GAP43: variants seen among roughly 807,000 people sequenced by gnomAD.
The protein encoded by GAP43 is neuromodulin.
GAP43 carries 6 observed loss-of-function variants against 18.6 expected under a neutral mutation model. That is an observed-to-expected ratio of 0.32 (90% CI 0.18 to 0.64). GAP43 has a LOEUF of 0.64. Among genes scored for constraint, GAP43 ranks in the 30% least tolerant of loss-of-function variants. GAP43 has a pLI of 0.78. For missense variants in GAP43, 292 were observed against 295.5 expected, an observed-to-expected ratio of 0.99 and a Z score of 0.09; for synonymous variants, 115 against 111.4, an observed-to-expected ratio of 1.03 and a Z score of -0.20.
intron 1 of GAP43, among the ~76,000 whole-genome samples, chr3:115,646,056 C>T (rs1708454452): frequency 6.6e-6 from 1 of 152,066 alleles, no homozygotes; most frequent in Admixed American, 6.6e-5. Flanking sequence ...ACTCCTATAA[C>T]TAAACCATAT....
chr3:115,643,602 G>A (rs1171478365), intron 1 of GAP43, among the ~76,000 whole-genome samples: 1 of 151,984 alleles, frequency 6.6e-6, no homozygotes, highest in Non-Finnish European at 1.5e-5. Flanking sequence ...ATATTCACGA[G>A]TAGCTTCCTT....
intron 2 of GAP43, among the ~76,000 whole-genome samples, chr3:115,693,149 T>C (rs1273981429): frequency 2.6e-5 from 4 of 152,294 alleles, no homozygotes; most frequent in African/African-American, 9.6e-5. Context: ...CTTTTCAACA[T>C]AGAGATGGAG....
In GAP43 at chr3:115,720,939, C is replaced by G. The variant is rs1709570389; in HGVS notation, c.*57C>G. 1 of 1,200,956 alleles carries G rather than the reference C, an allele frequency of 8.3e-7. No homozygotes were observed. The highest frequency in any genetic ancestry group is 1.2e-6 in the Non-Finnish European group (1 of 816,540). 74.4% of individuals were successfully genotyped at this position (1,200,956 alleles called of 1,614,324 possible). The stretch of plus-strand genomic sequence containing the variant: ...CTCCCCTCTCCTGAGCCTGTCTCTC[C>G]CTACCCTCTTCTCAGCTCCACTCTG... On this transcript the variant is annotated 3_prime_UTR_variant, in exon 3 of 3. Transcript: ENST00000305124.
chr3:115,673,833 C>T (rs116275485), intron 1 of GAP43, among the ~76,000 whole-genome samples: 196 of 152,294 alleles, frequency 1.3e-3, no homozygotes, highest in African/African-American at 4.6e-3. Flanking sequence ...TCATTTACTC[C>T]TTTAATCTTT....
chr3:115,666,912 T>C (rs1443194578), intron 1 of GAP43, among the ~76,000 whole-genome samples: 1 of 152,100 alleles, frequency 6.6e-6, no homozygotes, highest in Non-Finnish European at 1.5e-5. Flanking sequence ...ATGATGAGGA[T>C]TGAATTGAAA....
At chr3:115,641,135 G>A (rs1223335567) in intron 1 of GAP43, among the ~76,000 whole-genome samples, 1 of 150,074 alleles carries the variant, frequency 6.7e-6, no homozygotes, top group African/African-American at 2.5e-5. Flanking sequence ...AAAGTGCTGG[G>A]ATTACAGGTG....
At chr3:115,699,955 AG>A (rs1709276788) in intron 2 of GAP43, among the ~76,000 whole-genome samples, 1 of 152,142 alleles carries the variant, frequency 6.6e-6, no homozygotes, top group South Asian at 2.1e-4. Context: ...ACATGCCTGT[AG>A]TATTACTAGA....
chr3:115,696,061 C>G (rs931144765), intron 2 of GAP43, among the ~76,000 whole-genome samples: 1 of 152,034 alleles, frequency 6.6e-6, no homozygotes, highest in Non-Finnish European at 1.5e-5. Flanking sequence ...CATTCTCTCT[C>G]TCTCTCTTTT....
chr3:115,698,588 A>C (rs1709255030), intron 2 of GAP43, among the ~76,000 whole-genome samples: 1 of 151,572 alleles, frequency 6.6e-6, no homozygotes, highest in Non-Finnish European at 1.5e-5. Context: ...TATGTGGTGG[A>C]ACTTGGAAAG....
rs1036445750 is a variant in GAP43 at position 115,663,435 on chromosome 3, A to G, written c.31-12578A>G. ...TGCTTTTCTCATTTATTAAATAGCC[A>G]TAGTTCCTGACCTGATGCCCTCTCC... is the stretch of plus-strand genomic sequence containing the variant. On this transcript the variant is annotated intron_variant, in intron 1 of 2. Transcript: ENST00000305124. The G allele has an allele frequency of 3.3e-5, 23 of 701,766 alleles. No homozygotes were observed. The African/African-American group carries it at 4.0e-4, about 12-fold the overall frequency. The allele number at this position is 701,766 out of a possible 1,614,324, so 43.5% of individuals were successfully genotyped here.
intron 2 of GAP43, 86 bp downstream of exon 2, chr3:115,676,696 G>A (rs1708895138): frequency 1.5e-6 from 2 of 1,334,810 alleles, no homozygotes; most frequent in African/African-American, 1.5e-5. Context: ...GTCATTGAGG[G>A]AGAGGAAAAA....
At chr3:115,659,597 C>T (rs1708630861) in intron 1 of GAP43, among the ~76,000 whole-genome samples, 1 of 150,734 alleles carries the variant, frequency 6.6e-6, no homozygotes, top group Non-Finnish European at 1.5e-5. Flanking sequence ...GAAAGGAGAG[C>T]GAAAAATTAA....
At chr3:115,694,085 G>A (rs1709151650) in intron 2 of GAP43, among the ~76,000 whole-genome samples, 1 of 152,162 alleles carries the variant, frequency 6.6e-6, no homozygotes, top group African/African-American at 2.4e-5. Flanking sequence ...TGGTGAGACA[G>A]CAGCCATTTG....
At chr3:115,695,523 A>G (rs1709175070) in intron 2 of GAP43, among the ~76,000 whole-genome samples, 2 of 152,210 alleles carry the variant, frequency 1.3e-5, no homozygotes, top group African/African-American at 4.8e-5. Context: ...CAGCAACCCT[A>G]TGAGGTAAGA....
intron 1 of GAP43, among the ~76,000 whole-genome samples, chr3:115,632,565 C>A (rs1373212334): frequency 1.3e-5 from 2 of 152,108 alleles, no homozygotes; most frequent in Non-Finnish European, 2.9e-5. Context: ...TTAACAGATT[C>A]TCCTATAAGC....
At chr3:115,645,328 A>G (rs757726718) in intron 1 of GAP43, among the ~76,000 whole-genome samples, 4 of 152,006 alleles carry the variant, frequency 2.6e-5, no homozygotes, top group Non-Finnish European at 4.4e-5. Flanking sequence ...ATTTAATACA[A>G]TACTCCTCAA....
chr3:115,683,407 G>T (rs961120954), intron 2 of GAP43, among the ~76,000 whole-genome samples: 1 of 152,124 alleles, frequency 6.6e-6, no homozygotes, highest in African/African-American at 2.4e-5. Context: ...AGGCCCAGAA[G>T]ACAGCAAGAA....
At chr3:115,715,857 A>G (rs1190378382) in intron 2 of GAP43, among the ~76,000 whole-genome samples, 4 of 152,182 alleles carry the variant, frequency 2.6e-5, no homozygotes, top group Non-Finnish European at 5.9e-5. Flanking sequence ...TTTTTGGGCA[A>G]AGGTAAAACC....
intron 1 of GAP43, among the ~76,000 whole-genome samples, chr3:115,669,372 T>C (rs1274409159): frequency 6.6e-6 from 1 of 152,214 alleles, no homozygotes; most frequent in African/African-American, 2.4e-5. Context: ...TTTCTTCACC[T>C]GTCATCATCT....
Sources: allele counts gnomAD v4.1 joint callset (sites outside exome capture counted in the v4.1 genomes callset), GRCh38; gene constraint gnomAD v4.1.1; transcripts MANE v1.5; gene names NCBI Gene and HGNC (gene_info 2026-07-23, HGNC 2026-07-21).